Variants in OTULIN observed in about 807,000 individuals in gnomAD.
OTULIN encodes the protein ubiquitin thioesterase otulin.
In OTULIN, 15 loss-of-function variants were observed where a neutral mutation model predicts 39.6. The ratio of observed to expected loss-of-function variants is 0.38; its 90% confidence interval spans 0.25 to 0.58. The LOEUF is 0.58. Ranked by LOEUF, OTULIN falls within the 20% of genes least tolerant of loss-of-function variation. OTULIN has a pLI of 0.66. For missense variants in OTULIN, 319 were observed against 445.9 expected, an observed-to-expected ratio of 0.72 and a Z score of 2.56; for synonymous variants, 156 against 170.3, an observed-to-expected ratio of 0.92 and a Z score of 0.65.
At position 14,694,210 on chromosome 5, in the gene OTULIN, C is replaced by T. The variant is rs540143753; in HGVS notation, c.*1162C>T. The stretch of plus-strand genomic sequence containing the variant: ...TGAGTGCAAAAGTGTGGCTGAGCCG[C>T]GTATGCCCTTGATTGGTTTTGGGAA... On this transcript the variant is annotated 3_prime_UTR_variant, in exon 7 of 7. Coordinates refer to ENST00000284274, the MANE Select transcript of OTULIN (RefSeq NM_138348.6). The T allele has an allele frequency of 3.3e-5, 5 of 152,380 alleles. No homozygotes were observed. The highest frequency in any genetic ancestry group is 4.1e-4 in the South Asian group (2 of 4,834). The allele number at this position is 152,380 out of a possible 1,614,324, so 9.4% of individuals were successfully genotyped here.
intron 2 of OTULIN, 169 bp downstream of exon 2, chr5:14,673,887 T>G (rs578012742): frequency 1.5e-5 from 7 of 473,942 alleles, no homozygotes; most frequent in African/African-American, 1.0e-4. Flanking sequence ...TCCTGAGGCT[T>G]TTAAATTTTA....
chr5:14,709,580 C>T, the OTULIN span: 8 of 152,330 alleles, frequency 5.3e-5, no homozygotes, highest in African/African-American at 1.9e-4. Context: ...ACGGTAGACA[C>T]AAAGGGCCTG....
rs1736247557 is a variant in OTULIN at position 14,681,454 on chromosome 5, C to A, written c.325-10C>A. 2 of 1,598,618 alleles carry A rather than the reference C, an allele frequency of 1.3e-6. No homozygotes were observed. Among genetic ancestry groups the A allele is most frequent in the Non-Finnish European group, 1.7e-6 (2 of 1,174,742 alleles). On this transcript the variant is annotated splice_polypyrimidine_tract_variant and intron_variant, in intron 3 of 6. Coordinates refer to ENST00000284274, the MANE Select transcript of OTULIN (RefSeq NM_138348.6). ...ACGACCATTTTGAATTCTTTCATAC[C>A]TTTTCCCAGGGCTATGAAGAGGTTT...
At chr5:14,685,683 G>A (rs539917875) in intron 4 of OTULIN, among the ~76,000 whole-genome samples, 5 of 152,214 alleles carry the variant, frequency 3.3e-5, no homozygotes, top group South Asian at 4.2e-4. Context: ...AGGTCTTCAG[G>A]GTCTCCTGAG....
chr5:14,711,110 GAAC>G, the OTULIN span: 1 of 1,197,288 alleles, frequency 8.4e-7, no homozygotes, highest in South Asian at 1.2e-5. Context: ...AAAAAAAAGG[GAAC>G]AAAATACGAT....
At chr5:14,712,863 G>C in the OTULIN span, 1 of 1,598,340 alleles carries the variant, frequency 6.3e-7, no homozygotes, top group Non-Finnish European at 8.5e-7. Flanking sequence ...CTCCCGGCGC[G>C]GCTGTCTCAC....
chr5:14,713,594 C>G, the OTULIN span: 1 of 1,614,214 alleles, frequency 6.2e-7, no homozygotes, highest in South Asian at 1.1e-5. This position sits in a 1 kb window ranked among gnomAD's most constrained non-coding sequence, Gnocchi z 4.4. Flanking sequence ...TGATCCGCAG[C>G]ACAGAGCTGG....
intron 5 of OTULIN, 89 bp downstream of exon 5, chr5:14,687,735 G>A (rs1736422180): frequency 3.4e-6 from 5 of 1,454,380 alleles, no homozygotes; most frequent in Non-Finnish European, 1.8e-6. Context: ...TCACTCAGTG[G>A]ATTTTCAAAT....
rs1579955423 is a variant in OTULIN at position 14,664,971 on chromosome 5, C to T, written c.146C>T (p.Ala49Val). The part of the protein sequence containing the change: ...GQPRPEMQCP[A>V]EHEEDMYRAA... ...CCGCGGCCCGAGATGCAGTGCCCGG[C>T]CGAGCAGTGAGTCCGCGGGGGCGCG... Residue 49 changes from alanine to valine, a missense_variant, in exon 1 of 7, where the codon GCC becomes GTC. Ala to Val is a moderately conservative substitution (Grantham distance 64, BLOSUM62 0). This residue lies in a region of OTULIN where 132 missense variants were observed against 143.7 expected (regional missense o/e 0.92). Coordinates refer to ENST00000284274, the MANE Select transcript of OTULIN (RefSeq NM_138348.6). The T allele has an allele frequency of 2.4e-5, 26 of 1,084,776 alleles. No homozygotes were observed. The highest frequency in any genetic ancestry group is 2.9e-5 in the Non-Finnish European group (26 of 894,970). The allele number at this position is 1,084,776 out of a possible 1,614,324, so 67.2% of individuals were successfully genotyped here.
Position 14,667,328 on chromosome 5 carries a change from G to C in OTULIN, c.152+2351G>C, listed in dbSNP as rs117675364. Among the ~76,000 whole-genome samples, 194 of 152,334 alleles carry C rather than the reference G, an allele frequency of 1.3e-3. No homozygotes were observed. The East Asian group carries it at 0.033, about 26-fold the overall frequency. On this transcript the variant is annotated intron_variant, in intron 1 of 6. Coordinates refer to ENST00000284274, the MANE Select transcript of OTULIN (RefSeq NM_138348.6). Reference sequence around the variant, plus strand: ...CCACTAAGCTCATCGCATTTCACACGTGAGAGAAGTGGGGGAAAAGAAACA... The same window carrying C: ...CCACTAAGCTCATCGCATTTCACACCTGAGAGAAGTGGGGGAAAAGAAACA...
chr5:14,682,103 T>G (rs894680527), intron 4 of OTULIN, among the ~76,000 whole-genome samples: 1 of 152,244 alleles, frequency 6.6e-6, no homozygotes, highest in Non-Finnish European at 1.5e-5. Context: ...AGACTCAGCC[T>G]GTCCCAGGCC....
intron 1 of OTULIN, among the ~76,000 whole-genome samples, chr5:14,672,655 C>T (rs1370834398): frequency 6.6e-6 from 1 of 152,084 alleles, no homozygotes; most frequent in Admixed American, 6.5e-5. Context: ...GTTTTCTGCT[C>T]AGTGTGTTAC....
chr5:14,666,941 A>G (rs1215283211), intron 1 of OTULIN, among the ~76,000 whole-genome samples: 1 of 152,246 alleles, frequency 6.6e-6, no homozygotes, highest in Non-Finnish European at 1.5e-5. Context: ...GCATGATGAT[A>G]TATACAGCTT....
chr5:14,673,836 A>G, intron 2 of OTULIN, 118 bp downstream of exon 2: 1 of 754,104 alleles, frequency 1.3e-6, no homozygotes, highest in Non-Finnish European at 2.1e-6. Flanking sequence ...ATATGGTCTT[A>G]TCTACATTGA....
At chr5:14,672,153 A>G (rs763716373) in intron 1 of OTULIN, among the ~76,000 whole-genome samples, 5 of 152,174 alleles carry the variant, frequency 3.3e-5, no homozygotes, top group Non-Finnish European at 7.4e-5. Context: ...TGGGCCGTTC[A>G]GGAAGAGGGA....
intron 1 of OTULIN, among the ~76,000 whole-genome samples, chr5:14,671,347 A>G (rs1040138409): frequency 1.3e-5 from 2 of 152,230 alleles, no homozygotes; most frequent in African/African-American, 4.8e-5. Context: ...TGTAGCTTAC[A>G]CGGCCTCTTC....
At chr5:14,709,418 G>A in the OTULIN span, 3 of 152,300 alleles carry the variant, frequency 2.0e-5, no homozygotes, top group East Asian at 5.8e-4. Context: ...CCACTCTGAG[G>A]AAGCACGCCA....
At chr5:14,683,139 C>G (rs1666230409) in intron 4 of OTULIN, among the ~76,000 whole-genome samples, 1 of 152,026 alleles carries the variant, frequency 6.6e-6, no homozygotes, top group South Asian at 2.1e-4. Context: ...CATCTGGAGC[C>G]AAGTGTGGTG....
chr5:14,700,031 T>G (rs1561008405), downstream of OTULIN, among the ~76,000 whole-genome samples: 1 of 152,254 alleles, frequency 6.6e-6, no homozygotes, highest in Non-Finnish European at 1.5e-5. Flanking sequence ...TCAAACATTT[T>G]GATCTTTGCT....
Sources: allele counts gnomAD v4.1 joint callset (sites outside exome capture counted in the v4.1 genomes callset), GRCh38; gene constraint gnomAD v4.1.1; regional missense constraint gnomAD v4.1.1; non-coding constraint Gnocchi (gnomAD v3.1); transcripts MANE v1.5; gene names NCBI Gene and HGNC (gene_info 2026-07-23, HGNC 2026-07-21).